Variants in ADCY5 observed in about 807,000 individuals in gnomAD.
ADCY5 encodes the protein adenylate cyclase 5, also known as adenylate cyclase type 5.
In ADCY5, 30 loss-of-function variants were observed where a neutral mutation model predicts 119.7. The ratio of observed to expected loss-of-function variants is 0.25; its 90% CI spans 0.19 to 0.34. The LOEUF (loss-of-function observed/expected upper bound fraction) is 0.34, where lower values mean the gene tolerates loss of function less well. Among genes scored for constraint, ADCY5 ranks in the 10% least tolerant of loss-of-function variants. The pLI is 1.00. For synonymous variants in ADCY5, 753 were observed against 762.2 expected (o/e 0.99, Z 0.20); for missense variants, 1,324 against 1,775.2 (o/e 0.75, Z 4.57).
intron 1 of ADCY5, among the ~76,000 whole-genome samples, chr3:123,358,784 C>T (rs2108519070): frequency 6.6e-6 from 1 of 152,292 alleles, no homozygotes; most frequent in Non-Finnish European, 1.5e-5. Context: ...TTCTAAAACC[C>T]CAGCACTTCT....
chr3:123,317,954 C>G (rs961790375), intron 11 of ADCY5, 66 bp downstream of exon 11: 13 of 1,442,016 alleles, frequency 9.0e-6, no homozygotes, highest in African/African-American at 2.8e-5. Context: ...TAAATGACCA[C>G]CCCCTCCCAC....
intron 1 of ADCY5, among the ~76,000 whole-genome samples, chr3:123,363,075 A>G (rs1814046): frequency 0.99 from 148,511 of 149,526 alleles, 73,768 homozygotes; most frequent in East Asian, 1. Flanking sequence ...CCCAGGAGGC[A>G]AATGTTGCAG....
intron 1 of ADCY5, among the ~76,000 whole-genome samples, chr3:123,398,965 G>A (rs1222922289): frequency 6.6e-6 from 1 of 152,198 alleles, no homozygotes; most frequent in East Asian, 1.9e-4. Context: ...ATCCCCTGTT[G>A]GACTGGGAGC....
intron 14 of ADCY5, among the ~76,000 whole-genome samples, chr3:123,301,409 G>A (rs1293057377): frequency 6.6e-6 from 1 of 152,204 alleles, no homozygotes; most frequent in Admixed American, 6.5e-5. Context: ...GGAATGAGAA[G>A]GGCATGCCCA....
intron 16 of ADCY5, 173 bp downstream of exon 16, chr3:123,297,180 C>T: frequency 7.5e-7 from 1 of 1,339,232 alleles, no homozygotes; most frequent in Non-Finnish European, 1.0e-6. Context: ...AGGGCCTCTG[C>T]CCCCCGAGGA....
rs57198270 is a variant in ADCY5, at chr3:123,345,769, G to GACAGACACACAC, written c.1406+2012_1406+2013insGTGTGTGTCTGT. 1.1e-4 allele frequency among the ~76,000 whole-genome samples: 12 copies of GACAGACACACAC among 113,832 alleles called. No homozygotes were observed. In the South Asian group the frequency reaches 3.1e-3, roughly 29 times the overall value. The allele number at this position is 113,832 out of a possible 152,430, so 74.7% of individuals were successfully genotyped here. ...AGACAGACAGACAGACAGACAGACA[G>GACAGACACACAC]ACACACACACACACACACACACACA... On this transcript the variant is annotated intron_variant, in intron 3 of 20. Coordinates refer to ENST00000462833, the MANE Select transcript of ADCY5 (RefSeq NM_183357.3).
Position 123,291,412 on chromosome 3 carries a change from A to G in ADCY5, c.3064-36T>C, listed in dbSNP as rs556111074. 5.7e-5 allele frequency: 90 copies of G among 1,586,354 alleles called. 1 individual carries two copies. In the South Asian group the frequency reaches 6.6e-4, roughly 12 times the overall value. ...AAGACTGCAAGTCACCCAGATGCCAATGTGAGCCCAGATGTCGGCCCCTCC... is the reference window on the plus strand; with the variant it reads ...AAGACTGCAAGTCACCCAGATGCCAGTGTGAGCCCAGATGTCGGCCCCTCC... On this transcript the variant is annotated intron_variant, in intron 17 of 20. Transcript: ENST00000462833.
chr3:123,328,502 C>T, intron 6 of ADCY5, 142 bp downstream of exon 6: 1 of 973,876 alleles, frequency 1.0e-6, no homozygotes, highest in Non-Finnish European at 1.5e-6. Context: ...CCACTGTGCT[C>T]ACCCCAGCGC....
chr3:123,308,023 ATGC>A, intron 12 of ADCY5, among the ~76,000 whole-genome samples: 1 of 105,166 alleles, frequency 9.5e-6, no homozygotes, highest in South Asian at 2.9e-4. Context: ...TTTTTTTTTC[ATGC>A]TCTTTTTTTT....
chr3:123,371,437 G>C (rs553603132), intron 1 of ADCY5, among the ~76,000 whole-genome samples: 13 of 152,332 alleles, frequency 8.5e-5, no homozygotes, highest in African/African-American at 3.1e-4. Context: ...CCAACCAGTC[G>C]ATCGCAGTCC....
rs760115212 is a variant in ADCY5, at chr3:123,368,195, C to A, written c.1135-15614G>T. The A allele has an allele frequency of 1.2e-5, 7 of 575,888 alleles. No individual in the cohort carries two copies. The Admixed American group carries it at 2.2e-4, about 18-fold the overall frequency. The allele number at this position is 575,888 out of a possible 1,614,324, so 35.7% of individuals were successfully genotyped here. A position where few individuals can be genotyped will look rare whatever the true frequency, so the allele number is the denominator to read the frequency against. Reference sequence around the variant, plus strand: ...TCTATAATGGAGCTAATGACGCCTGCGAATAAGACACCAATGCTAACACGG... The same window carrying A: ...TCTATAATGGAGCTAATGACGCCTGAGAATAAGACACCAATGCTAACACGG... On this transcript the variant is annotated intron_variant, in intron 1 of 20. Transcript: ENST00000462833.
chr3:123,410,450 G>A (rs2107622771), intron 1 of ADCY5, among the ~76,000 whole-genome samples: 1 of 152,296 alleles, frequency 6.6e-6, no homozygotes, highest in Non-Finnish European at 1.5e-5. Flanking sequence ...CTGCCTGTTG[G>A]GGAAGGGCTA....
At chr3:123,319,847 C>T (rs777615497) in intron 9 of ADCY5, 29 bp from the exon 10 acceptor site, 3 of 1,607,006 alleles carry the variant, frequency 1.9e-6, no homozygotes, top group African/African-American at 2.7e-5. Flanking sequence ...GGGCGTGAGA[C>T]AGGCTGACCA....
chr3:123,303,058 G>C lies in ADCY5; in HGVS notation c.2721C>G (p.Pro907=), dbSNP rs143322376. The part of the protein sequence containing the change: ...CGSPWPNCNF[P]EYFTYSVLLS... Reference sequence around the variant, plus strand: ...CCAGCCCCTGTGCACCCAGTACCTCGGGGAAGTTGCAGTTGGGCCAGGGGC... The same window carrying C: ...CCAGCCCCTGTGCACCCAGTACCTCCGGGAAGTTGCAGTTGGGCCAGGGGC... The change falls in exon 14 of 21, where the codon CCC becomes CCG. Residue 907 remains proline (P), a synonymous_variant. Transcript: ENST00000462833. 29 of 1,613,526 alleles carry C rather than the reference G, an allele frequency of 1.8e-5. No individual in the cohort carries two copies. In the African/African-American group the frequency reaches 3.7e-4, roughly 21 times the overall value.
At chr3:123,314,113 T>A in intron 12 of ADCY5, 122 bp downstream of exon 12, 2 of 729,454 alleles carry the variant, frequency 2.7e-6, no homozygotes, top group Non-Finnish European at 4.6e-6. Context: ...CATCAGGCAC[T>A]CTCCCACCCC....
At chr3:123,309,345 G>A (rs1940416138) in intron 12 of ADCY5, among the ~76,000 whole-genome samples, 1 of 152,260 alleles carries the variant, frequency 6.6e-6, no homozygotes, top group African/African-American at 2.4e-5. Context: ...GGTCAAACCT[G>A]GCAGGCAGAA....
intron 1 of ADCY5, among the ~76,000 whole-genome samples, chr3:123,362,939 C>T (rs1270822854): frequency 2.0e-5 from 3 of 151,674 alleles, no homozygotes; most frequent in Non-Finnish European, 2.9e-5. Flanking sequence ...ATCAGGAGTT[C>T]GAGACCAGCC....
intron 1 of ADCY5, among the ~76,000 whole-genome samples, chr3:123,401,295 A>T (rs1393239193): frequency 6.6e-6 from 1 of 152,224 alleles, no homozygotes; most frequent in Non-Finnish European, 1.5e-5. Flanking sequence ...CACTAAGCCC[A>T]GGCTCAGCTC....
chr3:123,384,552 C>CA (rs1944153338), intron 1 of ADCY5, among the ~76,000 whole-genome samples: 1 of 152,230 alleles, frequency 6.6e-6, no homozygotes, highest in Non-Finnish European at 1.5e-5. Context: ...AACTAGGACT[C>CA]AAAGCCAGGT....
Sources: allele counts gnomAD v4.1 joint callset (sites outside exome capture counted in the v4.1 genomes callset), GRCh38; gene constraint gnomAD v4.1.1; transcripts MANE v1.5; gene names NCBI Gene and HGNC (gene_info 2026-07-23, HGNC 2026-07-21).